TARBP1: variants seen among roughly 807,000 people sequenced by gnomAD.
TARBP1 encodes tRNA (guanosine(18)-2'-O)-methyltransferase TARBP1.
A neutral mutation model predicts 178.6 loss-of-function variants in TARBP1; 144 were observed. That is an observed-to-expected ratio of 0.81 (90% CI 0.70 to 0.93). The LOEUF (loss-of-function observed/expected upper bound fraction) is 0.93, where lower values mean the gene tolerates loss of function less well. Ranked by LOEUF, TARBP1 falls within the 40% of genes least tolerant of loss-of-function variation. TARBP1 has a pLI of 0.00. For synonymous variants in TARBP1, 787 were observed against 781.0 expected (o/e 1.01, Z -0.13); for missense variants, 2,067 against 2,011.7 (o/e 1.03, Z -0.53).
intron 25 of TARBP1, among the ~76,000 whole-genome samples, chr1:234,400,525 A>G (rs1202896466): frequency 1.3e-5 from 2 of 152,228 alleles, no homozygotes; most frequent in South Asian, 2.1e-4. Context: ...TAAGTTACCA[A>G]TAACTTATAA....
At chr1:234,453,052 G>A (rs1487399716) in intron 9 of TARBP1, among the ~76,000 whole-genome samples, 1 of 152,174 alleles carries the variant, frequency 6.6e-6, no homozygotes, top group Non-Finnish European at 1.5e-5. Flanking sequence ...AAGGTCTGGG[G>A]GAAAGGAGGG....
rs1553308580 is a variant in TARBP1 at position 234,478,399 on chromosome 1, G to A, written c.705C>T (p.Ala235=). Reference sequence around the variant, plus strand: ...GCTCGGGCAACAGCTTCTCGGCCAGGGCGCTCAGGACCAGCAGCTTCTCCT... The same window carrying A: ...GCTCGGGCAACAGCTTCTCGGCCAGAGCGCTCAGGACCAGCAGCTTCTCCT... ...RVEEKLLVLS[A]LAEKLLPEPG... is the part of the protein sequence containing the mutation. The change falls in exon 1 of 30, where the codon GCC becomes GCT. Residue 235 remains alanine, a synonymous_variant. Transcript: ENST00000040877. 2.2e-6 allele frequency: 3 copies of A among 1,358,970 alleles called. No homozygotes were observed. Among genetic ancestry groups the A allele is most frequent in the South Asian group, 1.6e-5 (1 of 62,798 alleles). The allele number at this position is 1,358,970 out of a possible 1,614,324, so 84.2% of individuals were successfully genotyped here. A position where few individuals can be genotyped will look rare whatever the true frequency, so the allele number is the denominator to read the frequency against.
Position 234,391,722 on chromosome 1 carries a change from G to T in TARBP1, c.4721C>A (p.Ala1574Glu). ...LLGNEREGIP[A>E]NLIQQLDVCV... ...AACGTCCAACTGTTGGATCAGATTT[G>T]CTGGAATTCCCTCACGTTCATTTCT... is the stretch of plus-strand genomic sequence containing the variant. Residue 1574 changes from alanine to glutamate, a missense_variant, in exon 30 of 30, where the codon GCA (alanine) becomes GAA (glutamate). Transcript: ENST00000040877. 2 of 1,613,310 alleles carry T rather than the reference G, an allele frequency of 1.2e-6. No homozygotes were observed. Among genetic ancestry groups the T allele is most frequent in the South Asian group, 2.2e-5 (2 of 90,872 alleles).
intron 29 of TARBP1, 98 bp downstream of exon 29, chr1:234,392,318 A>G: frequency 2.1e-6 from 3 of 1,434,588 alleles, no homozygotes; most frequent in South Asian, 1.4e-5. Flanking sequence ...CCTGGGCTAC[A>G]GAGTGAGACT....
intron 8 of TARBP1, 49 bp downstream of exon 8, chr1:234,459,181 C>G: frequency 7.0e-7 from 1 of 1,423,926 alleles, no homozygotes; most frequent in Non-Finnish European, 9.8e-7. Flanking sequence ...TCTGTACACC[C>G]ACTCACTAAG....
Position 234,418,972 on chromosome 1 carries a change from A to G in TARBP1, c.3556-739T>C, listed in dbSNP as rs150801347. On this transcript the variant is annotated intron_variant, in intron 21 of 29. Coordinates refer to ENST00000040877, the MANE Select transcript of TARBP1 (RefSeq NM_005646.4). ...CGGATCACAAGGTCAGAAGATCGAG[A>G]CCATCCTGGCTAACACGGTGAAACC... 8.8e-3 allele frequency among the ~76,000 whole-genome samples: 1,339 copies of G among 152,260 alleles called. 7 individuals are homozygous for G. The highest frequency in any genetic ancestry group is 0.024 in the Middle Eastern group (7 of 294).
At chr1:234,471,387 T>A in intron 2 of TARBP1, 130 bp from the exon 3 acceptor site, 13 of 646,360 alleles carry the variant, frequency 2.0e-5, no homozygotes, top group Non-Finnish European at 3.0e-5. Context: ...GCCTGATTTA[T>A]CCAGTTTTTC....
In TARBP1 at chr1:234,464,990, G is replaced by C. The variant is rs533410731; in HGVS notation, c.1301+666C>G. ...GTCAGATACGGAAAGGAAAAGGTTA[G>C]AATGAACCTTGCAGTACTGAACTAA... On this transcript the variant is annotated intron_variant, in intron 5 of 29. Transcript: ENST00000040877. 5.9e-5 allele frequency among the ~76,000 whole-genome samples: 9 copies of C among 152,326 alleles called. No homozygotes were observed. In the South Asian group the frequency reaches 1.9e-3, roughly 32 times the overall value.
At chr1:234,406,718 A>G (rs1661284415) in intron 23 of TARBP1, 1 of 152,344 alleles carries the variant, frequency 6.6e-6, no homozygotes, top group South Asian at 2.1e-4. Flanking sequence ...CACAGCCTGG[A>G]GATGTCAAGC....
chr1:234,407,352 T>TTTTTTTTTTTTTTTTTTTTTTTTTA (rs1184926764), intron 23 of TARBP1: 2 of 150,622 alleles, frequency 1.3e-5, no homozygotes, highest in African/African-American at 4.9e-5. Flanking sequence ...TTTTTTTTTT[T>TTTTTTTTTTTTTTTTTTTTTTTTTA]TTTGAGATGG....
Position 234,427,406 on chromosome 1 carries a change from T to C in TARBP1, c.3252-18A>G. On this transcript the variant is annotated intron_variant, in intron 18 of 29. Transcript: ENST00000040877. ...GAACAAGTCTTTCCATAAAAAACAT[T>C]TGATAAAGAACAACAGGTTTTAAAT... 1.3e-6 allele frequency: 2 copies of C among 1,593,868 alleles called. No homozygotes were observed. The highest frequency in any genetic ancestry group is 1.7e-6 in the Non-Finnish European group (2 of 1,169,954).
intron 20 of TARBP1, among the ~76,000 whole-genome samples, chr1:234,424,854 G>C (rs1663526761): frequency 6.6e-6 from 1 of 152,278 alleles, no homozygotes; most frequent in Non-Finnish European, 1.5e-5. Flanking sequence ...CTGAGGTCGG[G>C]AGTTCGAGAC....
chr1:234,449,352 T>C (rs1037567736), intron 10 of TARBP1, among the ~76,000 whole-genome samples: 9 of 152,206 alleles, frequency 5.9e-5, no homozygotes, highest in African/African-American at 1.9e-4. Flanking sequence ...AGGTACCATG[T>C]GGAAAAGATA....
At chr1:234,426,662 C>T (rs186081816) in intron 19 of TARBP1, among the ~76,000 whole-genome samples, 7 of 152,052 alleles carry the variant, frequency 4.6e-5, no homozygotes, top group East Asian at 1.9e-4. Context: ...TATAAACACA[C>T]GTACACATTT....
intron 5 of TARBP1, among the ~76,000 whole-genome samples, chr1:234,465,105 GGACA>G (rs1359394084): frequency 7.2e-6 from 1 of 139,202 alleles, no homozygotes; most frequent in African/African-American, 2.7e-5. Flanking sequence ...GATGGATGGC[GGACA>G]GACAGGCACT....
chr1:234,398,792 TCTAA>T (rs139818192), intron 25 of TARBP1, among the ~76,000 whole-genome samples: 3,174 of 152,292 alleles, frequency 0.021, 100 homozygotes, highest in African/African-American at 0.072. Flanking sequence ...CTCTGGTACT[TCTAA>T]CTGTGTGTAA....
rs529001668 is a variant in TARBP1, at chr1:234,476,525, T to A, written c.931+1648A>T. 4.4e-4 allele frequency among the ~76,000 whole-genome samples: 67 copies of A among 152,310 alleles called. 1 individual carries two copies. In the South Asian group the frequency reaches 0.013, roughly 30 times the overall value. On this transcript the variant is annotated intron_variant, in intron 1 of 29. Coordinates refer to ENST00000040877, the MANE Select transcript of TARBP1 (RefSeq NM_005646.4). ...GAAAACCTCTGATGATCTGATTTTG[T>A]AGAGGAAAGATTTAGTCAACTGGTT...
intron 3 of TARBP1, among the ~76,000 whole-genome samples, chr1:234,469,883 A>G (rs1450035218): frequency 6.6e-6 from 1 of 152,272 alleles, no homozygotes; most frequent in Non-Finnish European, 1.5e-5. Flanking sequence ...TACAAGATAC[A>G]GAACAATAAC....
Position 234,478,745 on chromosome 1 carries a change from A to G in TARBP1, c.359T>C (p.Leu120Pro). The G allele has an allele frequency of 1.7e-6, 2 of 1,155,442 alleles. No individual in the cohort carries two copies. The highest frequency in any genetic ancestry group is 1.1e-6 in the Non-Finnish European group (1 of 941,422). 71.6% of individuals were successfully genotyped at this position (1,155,442 alleles called of 1,614,324 possible). ...CAGATCGCGCAGCGCCTCCTCAGCC[A>G]GCGCGGCCGCCAGCTGCGGACGCCC... ...LAGRPQLAAA[L>P]AEEALRDLLA... is the part of the protein sequence containing the mutation. Residue 120 changes from leucine to proline, a missense_variant, in exon 1 of 30, where the codon CTG becomes CCG. Transcript: ENST00000040877.
Sources: gnomAD v4.1 joint callset for allele counts (sites outside exome capture counted in the v4.1 genomes callset) on GRCh38, gnomAD v4.1.1 for gene constraint, MANE v1.5 for transcripts, NCBI Gene and HGNC (gene_info 2026-07-23, HGNC 2026-07-21) for gene names.